Variants in GPCPD1 observed in about 807,000 individuals in gnomAD.
The protein encoded by GPCPD1 is glycerophosphocholine phosphodiesterase GPCPD1.
Under a neutral mutation model 89.2 loss-of-function variants are expected in GPCPD1, and 29 were observed. The ratio of observed to expected loss-of-function variants is 0.33; its 90% CI spans 0.24 to 0.44. The LOEUF is 0.44. GPCPD1 is among the 20% of genes least tolerant of loss of function. The probability of loss-of-function intolerance (pLI) is 1.00; values close to 1 mark genes in which losing one functional copy is unlikely to be tolerated. For missense variants in GPCPD1, 594 were observed against 808.9 expected, an observed-to-expected ratio of 0.73 and a Z score of 3.22; for synonymous variants, 258 against 266.3, an observed-to-expected ratio of 0.97 and a Z score of 0.30.
At chr20:5,580,726 A>G (rs1215474420) in intron 6 of GPCPD1, among the ~76,000 whole-genome samples, 1 of 126,594 alleles carries the variant, frequency 7.9e-6, no homozygotes, top group Non-Finnish European at 1.7e-5. Context: ...ACTCCATCTC[A>G]CAAAAAAAAA....
chr20:5,577,263 C>T (rs189163752), intron 8 of GPCPD1, among the ~76,000 whole-genome samples: 4 of 151,714 alleles, frequency 2.6e-5, no homozygotes, highest in Non-Finnish European at 5.9e-5. Context: ...CCTCGTGATC[C>T]GCCTGCTTTG....
At chr20:5,592,822 G>A (rs952263741) in intron 4 of GPCPD1, among the ~76,000 whole-genome samples, 1 of 152,084 alleles carries the variant, frequency 6.6e-6, no homozygotes, top group Non-Finnish European at 1.5e-5. Flanking sequence ...AAGGCCTCCA[G>A]AAAAGATAGG....
At chr20:5,576,007 A>G in intron 8 of GPCPD1, 29 bp from the exon 9 acceptor site, 2 of 1,405,168 alleles carry the variant, frequency 1.4e-6, no homozygotes, top group Non-Finnish European at 2.0e-6. Flanking sequence ...AAATAATCTT[A>G]ATTTTTAAAC....
At chr20:5,548,338 C>T (rs1985155258) in intron 19 of GPCPD1, 1 of 152,450 alleles carries the variant, frequency 6.6e-6, no homozygotes, top group Non-Finnish European at 1.5e-5. Context: ...CCTCTGGTGA[C>T]CTGACACTGG....
At chr20:5,552,432 G>T (rs1398012240) in intron 19 of GPCPD1, among the ~76,000 whole-genome samples, 2 of 152,184 alleles carry the variant, frequency 1.3e-5, no homozygotes, top group African/African-American at 4.8e-5. Context: ...GTATCTTCCT[G>T]TTCTCCATTA....
At chr20:5,606,159 T>C (rs73587620) in intron 1 of GPCPD1, among the ~76,000 whole-genome samples, 5,039 of 152,258 alleles carry the variant, frequency 0.033, 190 homozygotes, top group East Asian at 0.16. Flanking sequence ...TAAAGGAATA[T>C]AAAAAATAGC....
chr20:5,555,115 G>A (rs1985678355), intron 19 of GPCPD1, among the ~76,000 whole-genome samples: 1 of 152,164 alleles, frequency 6.6e-6, no homozygotes, highest in African/African-American at 2.4e-5. Context: ...ATGGTTTTTT[G>A]AGACAAATCC....
In GPCPD1 at chr20:5,575,533, A is replaced by G. The variant is rs1404021556; in HGVS notation, c.881T>C (p.Ile294Thr). The G allele has an allele frequency of 6.3e-7, 1 of 1,577,362 alleles. No homozygotes were observed. Among genetic ancestry groups the G allele is most frequent in the East Asian group, 2.2e-5 (1 of 44,682 alleles). ...TIGKVRVDYI[I>T]IKPLPGYSCD... Reference sequence around the variant, plus strand: ...ACTGTATCCTGGTAATGGCTTAATAATTATATAGTCAACTTTCATAGGAAA... The same window carrying G: ...ACTGTATCCTGGTAATGGCTTAATAGTTATATAGTCAACTTTCATAGGAAA... The change falls in exon 10 of 20, where the codon ATT (isoleucine) becomes ACT (threonine). Residue 294 changes from isoleucine to threonine, a missense_variant. Transcript: ENST00000379019.
intron 1 of GPCPD1, among the ~76,000 whole-genome samples, 156 bp downstream of exon 1, chr20:5,610,686 G>A (rs1276357256): frequency 6.6e-6 from 1 of 151,280 alleles, no homozygotes; most frequent in African/African-American, 2.4e-5. Context: ...CCCGGCCGCC[G>A]TTCCCCTGCG....
At chr20:5,576,093 A>G (rs955383772) in intron 8 of GPCPD1, 115 bp from the exon 9 acceptor site, 20 of 464,030 alleles carry the variant, frequency 4.3e-5, no homozygotes, top group South Asian at 1.4e-4. Flanking sequence ...TATATATGAA[A>G]TGTGTATATA....
chr20:5,558,161 A>C, intron 18 of GPCPD1, 56 bp from the exon 19 acceptor site: 3 of 1,061,236 alleles, frequency 2.8e-6, no homozygotes, highest in Non-Finnish European at 2.8e-6. Flanking sequence ...GCAAAGCTAA[A>C]TGCTCACACT....
chr20:5,589,169 C>T (rs577168636), intron 4 of GPCPD1, among the ~76,000 whole-genome samples: 17 of 152,142 alleles, frequency 1.1e-4, no homozygotes, highest in Admixed American at 3.3e-4. Context: ...TATCATCATT[C>T]AGACTAGAAA....
At chr20:5,589,867 AT>A (rs1979202859) in intron 4 of GPCPD1, among the ~76,000 whole-genome samples, 1 of 152,252 alleles carries the variant, frequency 6.6e-6, no homozygotes, top group African/African-American at 2.4e-5. Flanking sequence ...AAAAGTAATG[AT>A]GTCAATCTAA....
chr20:5,590,701 ATAAAC>A (rs1374545593), intron 4 of GPCPD1, among the ~76,000 whole-genome samples: 1 of 152,188 alleles, frequency 6.6e-6, no homozygotes, highest in Non-Finnish European at 1.5e-5. Context: ...TTAGATACTA[ATAAAC>A]TATTGTACAA....
At chr20:5,569,571 A>T (rs1466490656) in intron 12 of GPCPD1, among the ~76,000 whole-genome samples, 1 of 151,424 alleles carries the variant, frequency 6.6e-6, no homozygotes, top group Non-Finnish European at 1.5e-5. Flanking sequence ...CCTTTCCTGT[A>T]GCCCACATTG....
At chr20:5,591,682 A>T (rs1979336507) in intron 4 of GPCPD1, among the ~76,000 whole-genome samples, 1 of 152,208 alleles carries the variant, frequency 6.6e-6, no homozygotes. Flanking sequence ...AACTAGACAA[A>T]GTTTCATAAT....
chr20:5,589,242 G>C (rs1979154091), intron 4 of GPCPD1, among the ~76,000 whole-genome samples: 1 of 152,160 alleles, frequency 6.6e-6, no homozygotes, highest in Non-Finnish European at 1.5e-5. Context: ...AAAATACACT[G>C]AATTTCCAAA....
At position 5,575,440 on chromosome 20, in the gene GPCPD1, C is replaced by T; in HGVS notation, c.974G>A (p.Gly325Asp). 3 of 1,609,492 alleles carry T rather than the reference C, an allele frequency of 1.9e-6. No homozygotes were observed. The highest frequency in any genetic ancestry group is 2.6e-6 in the Non-Finnish European group (3 of 1,176,348). The change falls in exon 10 of 20, where the codon GGT becomes GAT. Residue 325 changes from glycine to aspartate, a missense_variant. Gly to Asp is a moderately conservative substitution (Grantham distance 94). Coordinates refer to ENST00000379019, the MANE Select transcript of GPCPD1 (RefSeq NM_019593.5). ...GGCAGTTGTTGTAGAGTTTCCTGCACCTCGATGGCCAACATCCAATGGTAT... is the reference window on the plus strand; with the variant it reads ...GGCAGTTGTTGTAGAGTTTCCTGCATCTCGATGGCCAACATCCAATGGTAT... Reference protein sequence around the residue: ...PRIPLDVGHRGAGNSTTTAQL... With the variant: ...PRIPLDVGHRDAGNSTTTAQL...
chr20:5,571,331 T>G (rs1439438213), intron 11 of GPCPD1, among the ~76,000 whole-genome samples: 2 of 152,228 alleles, frequency 1.3e-5, no homozygotes, highest in Non-Finnish European at 2.9e-5. Flanking sequence ...CTATTAAACA[T>G]TTTAAGTTGT....
Sources: allele counts gnomAD v4.1 joint callset (sites outside exome capture counted in the v4.1 genomes callset), GRCh38; gene constraint gnomAD v4.1.1; transcripts MANE v1.5; gene names NCBI Gene and HGNC (gene_info 2026-07-23, HGNC 2026-07-21).